ECH1: variants seen among roughly 807,000 people sequenced by gnomAD.
ECH1 encodes the protein delta(3,5)-Delta(2,4)-dienoyl-CoA isomerase, mitochondrial.
ECH1 carries 30 observed loss-of-function variants against 37.0 expected under a neutral mutation model. The observed-to-expected ratio is 0.81, with a 90% CI of 0.61 to 1.10. ECH1 has a LOEUF of 1.10. Ranked by LOEUF, ECH1 falls within the 50% of genes least tolerant of loss-of-function variation. The pLI, the probability that ECH1 is intolerant of heterozygous loss-of-function variation, is 0.00. For synonymous variants in ECH1, 178 were observed against 176.0 expected (o/e 1.01, Z -0.09); for missense variants, 456 against 441.6 (o/e 1.03, Z -0.29).
At chr19:38,816,213 G>T in intron 8 of ECH1, 71 bp downstream of exon 8, 2 of 1,574,810 alleles carry the variant, frequency 1.3e-6, no homozygotes, top group South Asian at 1.1e-5. Context: ...GAGACAAGGG[G>T]ACCCGGAGAG....
intron 3 of ECH1, among the ~76,000 whole-genome samples, chr19:38,824,533 C>A (rs1255355944): frequency 6.6e-6 from 1 of 152,124 alleles, no homozygotes; most frequent in African/African-American, 2.4e-5. Context: ...AAAGAGGAGG[C>A]TCATTTTTTT....
chr19:38,820,034 G>A (rs1971638417), intron 3 of ECH1: 1 of 587,930 alleles, frequency 1.7e-6, no homozygotes, highest in Non-Finnish European at 2.1e-6. Context: ...ATCACAGCCT[G>A]AGGCCAAAGT....
chr19:38,825,211 C>T (rs1008455746), intron 3 of ECH1, among the ~76,000 whole-genome samples: 7 of 152,208 alleles, frequency 4.6e-5, no homozygotes, highest in East Asian at 3.8e-4. Context: ...AATTCCCTAT[C>T]GGTCAGCAAG....
At chr19:38,830,630 A>G (rs1237045083) in intron 3 of ECH1, among the ~76,000 whole-genome samples, 1 of 150,568 alleles carries the variant, frequency 6.6e-6, no homozygotes, top group African/African-American at 2.5e-5. Context: ...AGCCTGGGTG[A>G]CAGAGAAAGA....
At position 38,831,517 on chromosome 19, in the gene ECH1, C is replaced by T. The variant is rs1295930446; in HGVS notation, c.53-1G>A. The T allele has an allele frequency of 6.2e-7, 1 of 1,612,772 alleles. No homozygotes were observed. On this transcript the variant is annotated splice_acceptor_variant, in intron 1 of 9. Transcript: ENST00000221418. LOFTEE classifies it high-confidence loss of function. ...CCCGGGTAGTTGGAGCCTGTCAGTC[C>T]TGGGGAGAAAGGAACAGCCTTTGAT...
At position 38,818,932 on chromosome 19, in the gene ECH1, T is replaced by TGCGCGC. The variant is rs1555721678; in HGVS notation, c.350-1358_350-1357insGCGCGC. On this transcript the variant is annotated intron_variant, in intron 3 of 9. Coordinates refer to ENST00000221418, the MANE Select transcript of ECH1 (RefSeq NM_001398.3). ...GTGTGTGTGTGTGTGTGTGTGTGTG[T>TGCGCGC]GCACTGTTCCCAACCTGTTACTTTG... Among the ~76,000 whole-genome samples, 1,317 of 142,852 alleles carry TGCGCGC rather than the reference T, an allele frequency of 9.2e-3. 33 individuals carry two copies. The highest frequency in any genetic ancestry group is 0.026 in the East Asian group (126 of 4,860). The allele number at this position is 142,852 out of a possible 152,430, so 93.7% of individuals were successfully genotyped here. A position where few individuals can be genotyped will look rare whatever the true frequency, so the allele number is the denominator to read the frequency against.
chr19:38,824,625 T>C (rs1600022865), intron 3 of ECH1, among the ~76,000 whole-genome samples: 1 of 152,112 alleles, frequency 6.6e-6, no homozygotes, highest in Admixed American at 6.6e-5. Flanking sequence ...TACAATACTA[T>C]CCTGCAGCTT....
chr19:38,817,515 C>T lies in ECH1; in HGVS notation c.410G>A (p.Arg137Gln), dbSNP rs757944285. The part of the protein sequence containing the change: ...ILQPKGDDVA[R>Q]ISWYLRDIIT... ...GATGTCACGGAGGTACCAGCTGATC[C>T]GGGCCACATCATCTCCTTTGGGCTG... is the stretch of plus-strand genomic sequence containing the variant. Residue 137 changes from arginine to glutamine, a missense_variant, in exon 4 of 10, where the codon CGG becomes CAG. Coordinates refer to ENST00000221418, the MANE Select transcript of ECH1 (RefSeq NM_001398.3). The T allele has an allele frequency of 1.4e-5, 22 of 1,613,784 alleles. No homozygotes were observed. Among genetic ancestry groups the T allele is most frequent in the African/African-American group, 9.3e-5 (7 of 74,892 alleles).
chr19:38,818,791 CCT>C (rs1971615710), intron 3 of ECH1, among the ~76,000 whole-genome samples: 1 of 152,144 alleles, frequency 6.6e-6, no homozygotes, highest in Non-Finnish European at 1.5e-5. Flanking sequence ...CGGCCCAGAC[CCT>C]CTTTTTCCCA....
intron 1 of ECH1, 33 bp downstream of exon 1, chr19:38,831,688 C>T: frequency 6.2e-7 from 1 of 1,612,836 alleles, no homozygotes; most frequent in Non-Finnish European, 8.5e-7. Context: ...CACGACAGCG[C>T]GACGCACCCC....
intron 3 of ECH1, among the ~76,000 whole-genome samples, chr19:38,828,194 C>A (rs902031884): frequency 7.9e-5 from 12 of 152,294 alleles, no homozygotes; most frequent in Non-Finnish European, 1.2e-4. Flanking sequence ...AAGAAACAAT[C>A]CAAACTAACT....
chr19:38,820,144 T>G (rs1462772556), intron 3 of ECH1: 4 of 226,384 alleles, frequency 1.8e-5, no homozygotes, highest in Non-Finnish European at 2.7e-5. Flanking sequence ...CACTGCAAGC[T>G]CCGCCTCCTG....
In ECH1 at chr19:38,831,704, G is replaced by T; in HGVS notation, c.52+17C>A. The T allele has an allele frequency of 6.2e-7, 1 of 1,613,734 alleles. No homozygotes were observed. Among genetic ancestry groups the T allele is most frequent in the Non-Finnish European group, 8.5e-7 (1 of 1,179,904 alleles). On this transcript the variant is annotated intron_variant, in intron 1 of 9. Coordinates refer to ENST00000221418, the MANE Select transcript of ECH1 (RefSeq NM_001398.3). ...ACGACAGCGCGACGCACCCCCATAA[G>T]GCAAGAGGTGACTCACGCCGGGTCA...
chr19:38,824,418 C>T (rs933677221), intron 3 of ECH1, among the ~76,000 whole-genome samples: 4 of 152,146 alleles, frequency 2.6e-5, no homozygotes, highest in South Asian at 2.1e-4. Flanking sequence ...AAACCAAAAC[C>T]GCGGGTGGTT....
chr19:38,824,362 G>A (rs1971708241), intron 3 of ECH1, among the ~76,000 whole-genome samples: 1 of 152,158 alleles, frequency 6.6e-6, no homozygotes, highest in Non-Finnish European at 1.5e-5. Flanking sequence ...CGATCAGCAG[G>A]GTACAGGGAC....
At position 38,816,371 on chromosome 19, in the gene ECH1, T is replaced by A. The variant is rs537133811; in HGVS notation, c.660-16A>T. 1.2e-5 allele frequency: 19 copies of A among 1,613,934 alleles called. No homozygotes were observed. The Admixed American group carries it at 1.7e-4, about 14-fold the overall frequency. On this transcript the variant is annotated splice_polypyrimidine_tract_variant and intron_variant, in intron 7 of 9. Coordinates refer to ENST00000221418, the MANE Select transcript of ECH1 (RefSeq NM_001398.3). ...GTTGACCAGGCTGCAAAGGCAAGCG[T>A]GCATCAGGAGGCGGCTGCCACCCCG... is the stretch of plus-strand genomic sequence containing the variant.
chr19:38,819,039 G>C (rs938670468), intron 3 of ECH1: 6 of 864,848 alleles, frequency 6.9e-6, no homozygotes, highest in African/African-American at 3.7e-5. Context: ...CCAGGAGTTG[G>C]AGGCTGCGGT....
At chr19:38,824,191 CA>C (rs1321659731) in intron 3 of ECH1, among the ~76,000 whole-genome samples, 1 of 152,158 alleles carries the variant, frequency 6.6e-6, no homozygotes, top group Non-Finnish European at 1.5e-5. Flanking sequence ...CTTTATAGGA[CA>C]GGGGTAAAGT....
intron 8 of ECH1, 84 bp downstream of exon 8, chr19:38,816,200 G>C: frequency 6.5e-7 from 1 of 1,548,324 alleles, no homozygotes; most frequent in Non-Finnish European, 8.8e-7. Flanking sequence ...ATTCTAGAGC[G>C]AGGAGACAAG....
Sources: allele counts gnomAD v4.1 joint callset (sites outside exome capture counted in the v4.1 genomes callset), GRCh38; gene constraint gnomAD v4.1.1; transcripts MANE v1.5; gene names NCBI Gene and HGNC (gene_info 2026-07-23, HGNC 2026-07-21).